Variants in ROBO1 observed in about 807,000 individuals in gnomAD.
ROBO1 encodes roundabout homolog 1.
Under a neutral mutation model 195.9 loss-of-function variants are expected in ROBO1, and 149 were observed. That is an observed-to-expected ratio of 0.76 (90% CI 0.67 to 0.87). The LOEUF is 0.87. Ranked by LOEUF, ROBO1 falls within the 40% of genes least tolerant of loss-of-function variation. The probability of loss-of-function intolerance (pLI) is 0.00; values close to 1 mark genes in which losing one functional copy is unlikely to be tolerated. For synonymous variants in ROBO1, 816 were observed against 733.2 expected (o/e 1.11, Z -1.82); for missense variants, 1,933 against 2,068.3 (o/e 0.93, Z 1.27).
intron 2 of ROBO1, among the ~76,000 whole-genome samples, chr3:79,572,056 A>C (rs1943295375): frequency 6.6e-6 from 1 of 152,134 alleles, no homozygotes; most frequent in African/African-American, 2.4e-5. Context: ...TGAAAAGAAA[A>C]ATTTATTAGT....
intron 1 of ROBO1, among the ~76,000 whole-genome samples, chr3:79,648,526 A>AT: frequency 6.6e-6 from 1 of 152,106 alleles, no homozygotes; most frequent in Admixed American, 6.6e-5. Flanking sequence ...TCAGGTAACA[A>AT]TTTTTTTCTA....
At position 79,357,659 on chromosome 3, in the gene ROBO1, T is replaced by C. The variant is rs181672029; in HGVS notation, c.89-232120A>G. 2.6e-4 allele frequency among the ~76,000 whole-genome samples: 40 copies of C among 152,266 alleles called. No homozygotes were observed. In the East Asian group the frequency reaches 7.7e-3, roughly 29 times the overall value. On this transcript the variant is annotated intron_variant, in intron 2 of 30. Coordinates refer to ENST00000464233, the MANE Select transcript of ROBO1 (RefSeq NM_002941.4). ...ACAAGTCTGGTTGTAAGCTAATGAATTTCCCTGAGGACAAGGTGGTTTGGA... is the reference window on the plus strand; with the variant it reads ...ACAAGTCTGGTTGTAAGCTAATGAACTTCCCTGAGGACAAGGTGGTTTGGA...
intron 2 of ROBO1, among the ~76,000 whole-genome samples, chr3:79,428,264 A>T (rs1010200612): frequency 6.6e-6 from 1 of 152,128 alleles, no homozygotes; most frequent in Non-Finnish European, 1.5e-5. Flanking sequence ...ACTTATACAC[A>T]CCTACTATGT....
chr3:78,630,111 G>A (rs1158549370), intron 25 of ROBO1, among the ~76,000 whole-genome samples: 1 of 152,102 alleles, frequency 6.6e-6, no homozygotes, highest in Non-Finnish European at 1.5e-5. Context: ...GGCTTATTGG[G>A]TTCCATGTTA....
chr3:79,486,434 T>C (rs901341606), intron 2 of ROBO1, among the ~76,000 whole-genome samples: 1 of 152,150 alleles, frequency 6.6e-6, no homozygotes, highest in African/African-American at 2.4e-5. Flanking sequence ...CCAGAATAAG[T>C]ACCTCTATTT....
chr3:79,765,553 A>G (rs1446362919), intron 1 of ROBO1, among the ~76,000 whole-genome samples: 2 of 152,202 alleles, frequency 1.3e-5, no homozygotes, highest in Non-Finnish European at 2.9e-5. Flanking sequence ...AAGGTGTCAG[A>G]CTGAGGCTTT....
intron 2 of ROBO1, among the ~76,000 whole-genome samples, chr3:79,230,395 T>C (rs1240629972): frequency 6.6e-6 from 1 of 152,166 alleles, no homozygotes; most frequent in Non-Finnish European, 1.5e-5. Flanking sequence ...GCTGCGGTGA[T>C]AGCTTCAGTG....
At chr3:78,638,383 T>C (rs1367528206) in intron 22 of ROBO1, among the ~76,000 whole-genome samples, 1 of 151,564 alleles carries the variant, frequency 6.6e-6, no homozygotes, top group Non-Finnish European at 1.5e-5. Flanking sequence ...TTTGCTACTA[T>C]ACCATAAAAT....
At chr3:78,766,710 A>G (rs2083237528) in intron 4 of ROBO1, among the ~76,000 whole-genome samples, 1 of 152,122 alleles carries the variant, frequency 6.6e-6, no homozygotes. Context: ...CTCATAGCGA[A>G]TACTTTCAGC....
intron 3 of ROBO1, among the ~76,000 whole-genome samples, chr3:79,068,450 G>A (rs1238022784): frequency 6.6e-6 from 1 of 151,740 alleles, no homozygotes; most frequent in South Asian, 2.1e-4. Flanking sequence ...AAATGTGGTT[G>A]TTCAAAGTAT....
At chr3:78,955,418 G>C (rs879539281) in intron 3 of ROBO1, among the ~76,000 whole-genome samples, 3 of 152,038 alleles carry the variant, frequency 2.0e-5, no homozygotes, top group Non-Finnish European at 4.4e-5. Context: ...TTGTGTCCAT[G>C]TGTTCTCATT....
Position 78,983,197 on chromosome 3 carries a change from G to A in ROBO1, c.173-44270C>T, listed in dbSNP as rs573046379. ...AAAACAGCTGAGGTCACTGGGAAAGGTTTTAATGTGCTAATCGCAGCTATC... is the reference window on the plus strand; with the variant it reads ...AAAACAGCTGAGGTCACTGGGAAAGATTTTAATGTGCTAATCGCAGCTATC... On this transcript the variant is annotated intron_variant, in intron 3 of 30. Coordinates refer to ENST00000464233, the MANE Select transcript of ROBO1 (RefSeq NM_002941.4). Among the ~76,000 whole-genome samples the A allele has an allele frequency of 2.6e-4, 40 of 152,268 alleles. 1 individual carries two copies. In the South Asian group the frequency reaches 8.1e-3, roughly 31 times the overall value.
At chr3:79,624,435 G>A (rs372875266) in intron 1 of ROBO1, among the ~76,000 whole-genome samples, 3 of 152,086 alleles carry the variant, frequency 2.0e-5, no homozygotes, top group Non-Finnish European at 4.4e-5. Flanking sequence ...CCATCGGTAT[G>A]CTGTATTCAG....
At position 79,070,867 on chromosome 3, in the gene ROBO1, T is replaced by A. The variant is rs185755619; in HGVS notation, c.172+54589A>T. ...TGCCTTTTAATTGCTCTTTTATGTA[T>A]TTTTTGACTCTATAGCTAATTCTTT... On this transcript the variant is annotated intron_variant, in intron 3 of 30. Coordinates refer to ENST00000464233, the MANE Select transcript of ROBO1 (RefSeq NM_002941.4). Among the ~76,000 whole-genome samples the A allele has an allele frequency of 3.5e-3, 536 of 151,620 alleles. 3 individuals are homozygous for A. Among genetic ancestry groups the A allele is most frequent in the Non-Finnish European group, 3.5e-3 (238 of 67,816 alleles).
rs3773237 is a variant in ROBO1, at chr3:78,730,739, C to T, written c.658-12856G>A. Among the ~76,000 whole-genome samples, 5 of 152,246 alleles carry T rather than the reference C, an allele frequency of 3.3e-5. No homozygotes were observed. The East Asian group carries it at 9.7e-4, about 29-fold the overall frequency. ...GCTAGAATGTAGCTCACTCACTTGG[C>T]AAATTTGTGCCTCATTTCCTATGGA... On this transcript the variant is annotated intron_variant, in intron 5 of 30. Coordinates refer to ENST00000464233, the MANE Select transcript of ROBO1 (RefSeq NM_002941.4).
chr3:79,596,713 T>A (rs931845039), intron 1 of ROBO1, among the ~76,000 whole-genome samples: 1 of 152,016 alleles, frequency 6.6e-6, no homozygotes, highest in Admixed American at 6.6e-5. Context: ...ATAAAGTAGA[T>A]TGGAACCAAC....
At chr3:79,467,783 G>T (rs368544603) in intron 2 of ROBO1, among the ~76,000 whole-genome samples, 3 of 152,168 alleles carry the variant, frequency 2.0e-5, no homozygotes, top group African/African-American at 7.2e-5. Flanking sequence ...GTTCCTGGCT[G>T]GCAGGGCTAA....
chr3:79,443,186 GA>G (rs963515152), intron 2 of ROBO1, among the ~76,000 whole-genome samples: 1 of 152,136 alleles, frequency 6.6e-6, no homozygotes, highest in African/African-American at 2.4e-5. Context: ...GACTAGAGGA[GA>G]AAAATTATGT....
At chr3:78,665,503 G>A (rs1218526072) in intron 14 of ROBO1, among the ~76,000 whole-genome samples, 9 of 152,060 alleles carry the variant, frequency 5.9e-5, no homozygotes. Flanking sequence ...AGTCCAATCT[G>A]TTGAGTTATA....
Sources: allele counts gnomAD v4.1 joint callset (sites outside exome capture counted in the v4.1 genomes callset), GRCh38; gene constraint gnomAD v4.1.1; transcripts MANE v1.5; gene names NCBI Gene and HGNC (gene_info 2026-07-23, HGNC 2026-07-21).